The following TJP3 variants were observed in gnomAD, a reference collection of about 807,000 sequenced individuals.
TJP3 encodes tight junction protein ZO-3.
TJP3 carries 85 observed loss-of-function variants against 104.2 expected under a neutral mutation model. The observed-to-expected ratio is 0.82, with a 90% CI of 0.68 to 0.98. The LOEUF (loss-of-function observed/expected upper bound fraction) is 0.98, where lower values mean the gene tolerates loss of function less well. TJP3 is among the 50% of genes least tolerant of loss of function. The pLI, the probability that TJP3 is intolerant of heterozygous loss-of-function variation, is 0.00. For missense variants in TJP3, 1,367 were observed against 1,322.8 expected, an observed-to-expected ratio of 1.03 and a Z score of -0.52; for synonymous variants, 550 against 550.6, an observed-to-expected ratio of 1.00 and a Z score of 0.02.
intron 1 of TJP3, among the ~76,000 whole-genome samples, chr19:3,709,789 G>A (rs568365350): frequency 6.6e-6 from 1 of 152,236 alleles, no homozygotes; most frequent in Admixed American, 6.5e-5. Flanking sequence ...GCAAACCCGT[G>A]GACTCAGTTA....
rs182553957 is a variant in TJP3, at chr19:3,748,049, C to T, written c.2578C>T (p.Arg860Cys). The change falls in exon 19 of 21, where the codon CGT becomes TGT. Residue 860 changes from arginine (R) to cysteine (C), a missense_variant. Physicochemically the swap from Arg to Cys is radical, Grantham distance 180. Transcript: ENST00000541714. ...QADESQSPRD[R>C]GRISAHQGAQ... ...AGATGAGTCCCAGAGCCCGAGGGAT[C>T]GTGGGAGAATCTCGGCTCATCAGGG... is the stretch of plus-strand genomic sequence containing the variant. 1.5e-5 allele frequency: 24 copies of T among 1,587,622 alleles called. No homozygotes were observed. The East Asian group carries it at 2.5e-4, about 17-fold the overall frequency.
At chr19:3,745,978 C>T in intron 15 of TJP3, 33 bp from the exon 16 acceptor site, 1 of 1,566,304 alleles carries the variant, frequency 6.4e-7, no homozygotes, top group South Asian at 1.2e-5. Context: ...GGGCTGCCCT[C>T]CTGAAGCTGC....
chr19:3,741,436 G>T (rs922817833), intron 14 of TJP3, among the ~76,000 whole-genome samples: 1 of 151,598 alleles, frequency 6.6e-6, no homozygotes, highest in Non-Finnish European at 1.5e-5. Flanking sequence ...CACCAGCCTG[G>T]CCCACATGGT....
At chr19:3,731,182 A>G (rs556380091) in intron 5 of TJP3, among the ~76,000 whole-genome samples, 1 of 152,218 alleles carries the variant, frequency 6.6e-6, no homozygotes, top group African/African-American at 2.4e-5. Flanking sequence ...GCCCAGAACC[A>G]TTTTATCAAC....
At chr19:3,741,384 T>C (rs11880343) in intron 14 of TJP3, among the ~76,000 whole-genome samples, 78,093 of 151,790 alleles carry the variant, frequency 0.51, 20,147 homozygotes, top group South Asian at 0.6. Flanking sequence ...GCAGGAAGAT[T>C]GCTTGAGCTT....
At chr19:3,734,505 G>T in intron 8 of TJP3, 70 bp downstream of exon 8, 4 of 1,404,296 alleles carry the variant, frequency 2.8e-6, no homozygotes, top group South Asian at 2.7e-5. Flanking sequence ...GGGGAACGCG[G>T]GCGTAGCTTT....
chr19:3,750,717 T>A lies in TJP3; in HGVS notation c.*33T>A, dbSNP rs1194577922. On this transcript the variant is annotated 3_prime_UTR_variant, in exon 21 of 21. Transcript: ENST00000541714. ...AAGGCTGCCAGCTGGTCCGTCCTCC[T>A]TCTCCCTCCCTGGGGCTGGGACTCA... The A allele has an allele frequency of 3.2e-6, 5 of 1,542,358 alleles. No homozygotes were observed. The highest frequency in any genetic ancestry group is 4.4e-6 in the Non-Finnish European group (5 of 1,132,506).
Position 3,730,117 on chromosome 19 carries a change from A to C in TJP3, c.248A>C (p.Lys83Thr), listed in dbSNP as rs1315428792. The C allele has an allele frequency of 6.2e-7, 1 of 1,614,032 alleles. No homozygotes were observed. Among genetic ancestry groups the C allele is most frequent in the African/African-American group, 1.3e-5 (1 of 74,926 alleles). The change falls in exon 4 of 21, where the codon AAG becomes ACG. Residue 83 changes from lysine (K) to threonine (T), a missense_variant. Lys to Thr is a moderately conservative substitution (Grantham distance 78). Transcript: ENST00000541714. The surrounding 1 kb of genome is among the most constrained non-coding windows in gnomAD (Gnocchi z 7.3). ...FAIQILKTCT[K>T]MANITVKRPR... ...ATTCAGATACTCAAGACCTGCACCAAGATGGCCAACATCGTGAGTAGGCAG... is the reference window on the plus strand; with the variant it reads ...ATTCAGATACTCAAGACCTGCACCACGATGGCCAACATCGTGAGTAGGCAG...
chr19:3,718,587 G>T (rs577351015), intron 1 of TJP3, among the ~76,000 whole-genome samples: 1 of 151,668 alleles, frequency 6.6e-6, no homozygotes, highest in Non-Finnish European at 1.5e-5. Context: ...TCCTGCCTCA[G>T]CCTCCCTAGT....
chr19:3,737,853 C>T (rs559351095), intron 11 of TJP3, among the ~76,000 whole-genome samples: 1 of 152,118 alleles, frequency 6.6e-6, no homozygotes, highest in African/African-American at 2.4e-5. Context: ...GGTGTCTGTG[C>T]CCACAAGCTG....
intron 5 of TJP3, among the ~76,000 whole-genome samples, chr19:3,731,673 G>A (rs1248680752): frequency 9.9e-6 from 1 of 101,410 alleles, no homozygotes; most frequent in Non-Finnish European, 2.4e-5. Flanking sequence ...TTGAAACAAT[G>A]ATGATGTTAT....
At chr19:3,722,014 T>A in intron 1 of TJP3, 1 of 591,480 alleles carries the variant, frequency 1.7e-6, no homozygotes, top group Non-Finnish European at 2.5e-6. Context: ...AACGCCTACC[T>A]ACATAACAGG....
intron 11 of TJP3, 74 bp from the exon 12 acceptor site, chr19:3,738,481 A>C: frequency 7.4e-7 from 1 of 1,342,662 alleles, no homozygotes; most frequent in Non-Finnish European, 1.0e-6. Context: ...TTTTGCCCAG[A>C]GGAAGGTCCA....
In TJP3 at chr19:3,739,108, G is replaced by A. The variant is rs1463594079; in HGVS notation, c.1605G>A (p.Glu535=). The change falls in exon 13 of 21, where the codon GAG becomes GAA. Residue 535 remains glutamate (E), a synonymous_variant. Coordinates refer to ENST00000541714, the MANE Select transcript of TJP3 (RefSeq NM_001267560.2). The part of the protein sequence containing the change: ...VRMGRDLREQ[E]RGIIPNQSRA... ...TGGGTCGTGACCTGCGGGAGCAAGA[G>A]CGGGGCATCATTCCCAACCAGAGCA... 12 of 1,573,052 alleles carry A rather than the reference G, an allele frequency of 7.6e-6. No homozygotes were observed. The highest frequency in any genetic ancestry group is 7.8e-6 in the Non-Finnish European group (9 of 1,156,502).
chr19:3,711,748 A>AAAAAAAG (rs377487730), intron 1 of TJP3, among the ~76,000 whole-genome samples: 10,923 of 128,052 alleles, frequency 0.085, 1,401 homozygotes, highest in African/African-American at 0.22. Flanking sequence ...AAAAAAAAAA[A>AAAAAAAG]AAAGGTGCTT....
Position 3,746,930 on chromosome 19 carries a change from G to C in TJP3, c.2322+54G>C. 6.6e-7 allele frequency: 1 copy of C among 1,521,072 alleles called. No homozygotes were observed. Among genetic ancestry groups the C allele is most frequent in the Non-Finnish European group, 8.9e-7 (1 of 1,120,646 alleles). 94.2% of individuals were successfully genotyped at this position (1,521,072 alleles called of 1,614,324 possible). A position where few individuals can be genotyped will look rare whatever the true frequency, so the allele number is the denominator to read the frequency against. ...AGGGAGGCCCCACAGACGCTGTGCAGGCCCAGCTGGGGTTTGGGGCCTCTG... is the reference window on the plus strand; with the variant it reads ...AGGGAGGCCCCACAGACGCTGTGCACGCCCAGCTGGGGTTTGGGGCCTCTG... On this transcript the variant is annotated intron_variant, in intron 18 of 20. Coordinates refer to ENST00000541714, the MANE Select transcript of TJP3 (RefSeq NM_001267560.2). This position sits in a 1 kb window ranked among gnomAD's most constrained non-coding sequence, Gnocchi z 4.1.
Position 3,746,582 on chromosome 19 carries a change from G to T in TJP3, c.2108G>T (p.Arg703Leu), listed in dbSNP as rs758190803. 3 of 1,613,860 alleles carry T rather than the reference G, an allele frequency of 1.9e-6. No individual in the cohort carries two copies. Among genetic ancestry groups the T allele is most frequent in the Non-Finnish European group, 2.5e-6 (3 of 1,180,008 alleles). The part of the protein sequence containing the change: ...PIVVFFIPES[R>L]PALKALRQWL... The stretch of plus-strand genomic sequence containing the variant: ...GTGGTCTTCTTCATCCCCGAGAGCC[G>T]GCCGGCCCTCAAGGCACTGCGCCAG... Residue 703 changes from arginine (R) to leucine (L), a missense_variant, in exon 17 of 21, where the codon CGG becomes CTG. Coordinates refer to ENST00000541714, the MANE Select transcript of TJP3 (RefSeq NM_001267560.2). This position sits in a 1 kb window ranked among gnomAD's most constrained non-coding sequence, Gnocchi z 4.1.
In TJP3 at chr19:3,746,461, C is replaced by A. The variant is rs764532981; in HGVS notation, c.2011-24C>A. 51 of 1,612,706 alleles carry A rather than the reference C, an allele frequency of 3.2e-5. No individual in the cohort carries two copies. The highest frequency in any genetic ancestry group is 4.2e-5 in the Non-Finnish European group (50 of 1,179,498). On this transcript the variant is annotated intron_variant, in intron 16 of 20. Transcript: ENST00000541714. This position sits in a 1 kb window ranked among gnomAD's most constrained non-coding sequence, Gnocchi z 4.1. ...TTACCCTGCTGCAATCCCCCTCACC[C>A]CAACGTCCGCCGGCCTGGCCCAGGA...
chr19:3,716,707 C>G (rs534822291), intron 1 of TJP3, among the ~76,000 whole-genome samples: 1 of 145,440 alleles, frequency 6.9e-6, no homozygotes, highest in African/African-American at 2.5e-5. Context: ...ATCACTGCAG[C>G]CTCGACCTCC....
Sources: gnomAD v4.1 joint callset for allele counts (sites outside exome capture counted in the v4.1 genomes callset) on GRCh38, gnomAD v4.1.1 for gene constraint, Gnocchi (gnomAD v3.1) non-coding constraint, MANE v1.5 for transcripts, NCBI Gene and HGNC (gene_info 2026-07-23, HGNC 2026-07-21) for gene names.